BEST3: variants seen among roughly 807,000 people sequenced by gnomAD.
The protein encoded by BEST3 is bestrophin-3.
Under a neutral mutation model 47.1 loss-of-function variants are expected in BEST3, and 50 were observed. The ratio of observed to expected loss-of-function variants is 1.06; its 90% CI spans 0.85 to 1.34. The LOEUF is 1.34. BEST3 is among the 40% of genes most tolerant of loss of function. BEST3 has a pLI of 0.00. For synonymous variants in BEST3, 282 were observed against 298.8 expected (o/e 0.94, Z 0.58); for missense variants, 765 against 817.0 (o/e 0.94, Z 0.78).
intron 4 of BEST3, among the ~76,000 whole-genome samples, chr12:69,680,638 A>C (rs1218183955): frequency 1.3e-5 from 2 of 151,980 alleles, no homozygotes; most frequent in African/African-American, 2.4e-5. Flanking sequence ...TTGACTGAAT[A>C]ATTCAAATGG....
rs760758983 is a variant in BEST3 at position 69,655,502 on chromosome 12, G to A, written c.1412C>T (p.Thr471Ile). Residue 471 changes from threonine to isoleucine, a missense_variant, in exon 10 of 10, where the codon ACC (threonine) becomes ATC (isoleucine). Coordinates refer to ENST00000330891, the MANE Select transcript of BEST3 (RefSeq NM_032735.3). Reference sequence around the variant, plus strand: ...GCTTGTCTGGCTGGTCTCCCTGATGGTGGACAGCTCTCCCATGCTGAAGTG... The same window carrying A: ...GCTTGTCTGGCTGGTCTCCCTGATGATGGACAGCTCTCCCATGCTGAAGTG... Reference protein sequence around the residue: ...TLHFSMGELSTIRETSQTSTL... With the variant: ...TLHFSMGELSIIRETSQTSTL... The A allele has an allele frequency of 1.2e-5, 19 of 1,614,118 alleles. No homozygotes were observed. Among genetic ancestry groups the A allele is most frequent in the Middle Eastern group, 1.6e-4 (1 of 6,062 alleles).
intron 9 of BEST3, among the ~76,000 whole-genome samples, chr12:69,664,428 T>TC (rs1438876892): frequency 6.6e-6 from 1 of 152,032 alleles, no homozygotes; most frequent in Non-Finnish European, 1.5e-5. Flanking sequence ...CACTGGGACC[T>TC]CCCCCCGCCA....
At chr12:69,672,501 C>T (rs1884642068) in intron 8 of BEST3, among the ~76,000 whole-genome samples, 1 of 152,242 alleles carries the variant, frequency 6.6e-6, no homozygotes, top group African/African-American at 2.4e-5. Flanking sequence ...CGTGATACCA[C>T]TTTGGGAACT....
rs774065462 is a variant in BEST3 at position 69,655,768 on chromosome 12, A to G, written c.1146T>C (p.Tyr382=). The stretch of plus-strand genomic sequence containing the variant: ...TGGAATGCCGATGGCCATGCTTCTC[A>G]TAATCCCACAGCCACTCCTCGTCAG... ...DFPDEEWLWD[Y]EKHGHRHSMI... Residue 382 remains tyrosine, a synonymous_variant, in exon 10 of 10, where the codon TAT becomes TAC. Transcript: ENST00000330891. The G allele has an allele frequency of 1.2e-6, 2 of 1,613,200 alleles. No individual in the cohort carries two copies. The highest frequency in any genetic ancestry group is 1.3e-5 in the African/African-American group (1 of 74,868).
downstream of BEST3, among the ~76,000 whole-genome samples, chr12:69,649,114 C>T (rs1032801876): frequency 2.6e-5 from 4 of 152,202 alleles, no homozygotes; most frequent in African/African-American, 9.7e-5. Context: ...CGTGCCTCAG[C>T]CTCCCAAGAG....
Position 69,671,420 on chromosome 12 carries a change from G to A in BEST3, c.1100+8C>T. On this transcript the variant is annotated splice_region_variant and intron_variant, in intron 9 of 9. Transcript: ENST00000330891. ...AAAATATTAGAGATTTTTTAAAAAT[G>A]CACTTACCCCATCTGGACTGTTGAC... The A allele has an allele frequency of 6.2e-7, 1 of 1,601,918 alleles. No individual in the cohort carries two copies. Among genetic ancestry groups the A allele is most frequent in the Non-Finnish European group, 8.5e-7 (1 of 1,173,732 alleles).
At chr12:69,678,063 A>C (rs1263807507) in intron 5 of BEST3, among the ~76,000 whole-genome samples, 1 of 152,156 alleles carries the variant, frequency 6.6e-6, no homozygotes. Context: ...TCTATCTCTG[A>C]AGCAGGAAGG....
chr12:69,679,366 C>A (rs763586378), intron 4 of BEST3, among the ~76,000 whole-genome samples: 1 of 152,224 alleles, frequency 6.6e-6, no homozygotes, highest in Non-Finnish European at 1.5e-5. Flanking sequence ...TTAATCATGT[C>A]CTCCTCTCTG....
intron 8 of BEST3, among the ~76,000 whole-genome samples, 174 bp downstream of exon 8, chr12:69,672,711 T>C (rs1389620358): frequency 6.6e-6 from 1 of 152,136 alleles, no homozygotes; most frequent in Non-Finnish European, 1.5e-5. Flanking sequence ...AGCTGAAATC[T>C]CGGATGTGTA....
chr12:69,670,246 C>T, intron 9 of BEST3: 1 of 543,746 alleles, frequency 1.8e-6, no homozygotes, highest in East Asian at 3.0e-5. Flanking sequence ...ACTGAGAATA[C>T]ACTGAGGGCA....
intron 3 of BEST3, 21 bp downstream of exon 3, chr12:69,694,349 C>A (rs754018576): frequency 2.0e-6 from 3 of 1,483,052 alleles, no homozygotes; most frequent in Non-Finnish European, 9.3e-7. Flanking sequence ...TGGCTGCAAT[C>A]TGCGTGTGAC....
chr12:69,696,787 A>T (rs1402759713), intron 2 of BEST3, among the ~76,000 whole-genome samples: 4 of 152,212 alleles, frequency 2.6e-5, no homozygotes, highest in Non-Finnish European at 5.9e-5. Flanking sequence ...AAGAAAAATA[A>T]CAAACTATGA....
chr12:69,646,447 AT>A (rs35065392), intron 9 of BEST3, among the ~76,000 whole-genome samples: 2,333 of 148,086 alleles, frequency 0.016, 58 homozygotes, highest in African/African-American at 0.053. Flanking sequence ...CATGCACCTA[AT>A]TTTTTTTTTT....
chr12:69,644,783 A>G (rs1565815253), intron 9 of BEST3, among the ~76,000 whole-genome samples: 1 of 152,198 alleles, frequency 6.6e-6, no homozygotes, highest in African/African-American at 2.4e-5. Context: ...TTTTGCTAGT[A>G]GTATGTTTAA....
Position 69,697,665 on chromosome 12 carries a change from G to C in BEST3, c.134C>G (p.Ala45Gly). 1 of 1,599,502 alleles carries C rather than the reference G, an allele frequency of 6.3e-7. No individual in the cohort carries two copies. The highest frequency in any genetic ancestry group is 8.5e-7 in the Non-Finnish European group (1 of 1,174,230). The change falls in exon 2 of 10, where the codon GCA becomes GGA. Residue 45 changes from alanine (A) to glycine (G), a missense_variant. Transcript: ENST00000330891. ...AAAGTACCTGTATACCAAACTTATT[G>C]CTGTATAAAGAACAGCAAAAACAAT... ...EFIVFAVLYT[A>G]ISLVYRLLLT...
chr12:69,675,400 G>A (rs760924214), intron 7 of BEST3, among the ~76,000 whole-genome samples: 1 of 152,188 alleles, frequency 6.6e-6, no homozygotes, highest in African/African-American at 2.4e-5. Context: ...ACAGGCATGA[G>A]CCACCGCACC....
At chr12:69,691,260 C>T (rs771806425) in intron 4 of BEST3, among the ~76,000 whole-genome samples, 5 of 152,154 alleles carry the variant, frequency 3.3e-5, no homozygotes, top group Non-Finnish European at 7.3e-5. Flanking sequence ...TTTTAATCCT[C>T]ATAACAAGCC....
chr12:69,697,784 G>A lies in BEST3; in HGVS notation c.15C>T (p.Tyr5=). 1 of 1,604,002 alleles carries A rather than the reference G, an allele frequency of 6.2e-7. No homozygotes were observed. Residue 5 remains tyrosine, a synonymous_variant, in exon 2 of 10, where the codon TAC becomes TAT. Coordinates refer to ENST00000330891, the MANE Select transcript of BEST3 (RefSeq NM_032735.3). The part of the protein sequence containing the change: MTVT[Y]SSKVANATFF... ...AAGTTGCATTTGCTACTTTACTGGA[G>A]TAAGTGACAGTCATCTTGGATAGTT...
intron 8 of BEST3, 53 bp downstream of exon 8, chr12:69,672,832 A>G: frequency 7.5e-7 from 1 of 1,324,780 alleles, no homozygotes; most frequent in East Asian, 2.3e-5. Flanking sequence ...GATTTGAAAT[A>G]TCGCAAGTGA....
Sources: gnomAD v4.1 joint callset for allele counts (sites outside exome capture counted in the v4.1 genomes callset) on GRCh38, gnomAD v4.1.1 for gene constraint, MANE v1.5 for transcripts, NCBI Gene and HGNC (gene_info 2026-07-23, HGNC 2026-07-21) for gene names.